ATP8B1: variants seen among roughly 807,000 people sequenced by gnomAD.
ATP8B1 encodes phospholipid-transporting ATPase IC.
Under a neutral mutation model 149.9 loss-of-function variants are expected in ATP8B1, and 80 were observed. The ratio of observed to expected loss-of-function variants is 0.53; its 90% CI spans 0.45 to 0.64. ATP8B1 has a LOEUF of 0.64. Ranked by LOEUF, ATP8B1 falls within the 30% of genes least tolerant of loss-of-function variation. The pLI, the probability that ATP8B1 is intolerant of heterozygous loss-of-function variation, is 0.00. For missense variants in ATP8B1, 1,247 were observed against 1,552.6 expected, an observed-to-expected ratio of 0.80 and a Z score of 3.31; for synonymous variants, 536 against 562.8, an observed-to-expected ratio of 0.95 and a Z score of 0.67.
intron 2 of ATP8B1, among the ~76,000 whole-genome samples, chr18:57,716,945 T>C (rs1009243001): frequency 6.6e-6 from 1 of 150,412 alleles, no homozygotes; most frequent in African/African-American, 2.5e-5. Context: ...TCTTAAAACA[T>C]TCAAATAAAT....
At chr18:57,648,755 A>G (rs761358569) in intron 27 of ATP8B1, 43 bp from the exon 28 acceptor site, 1 of 1,540,156 alleles carries the variant, frequency 6.5e-7, no homozygotes, top group Non-Finnish European at 8.8e-7. Flanking sequence ...TAAGATCCAC[A>G]CCAGGGAGGA....
intron 11 of ATP8B1, among the ~76,000 whole-genome samples, chr18:57,692,354 T>TA (rs1356042433): frequency 2.0e-5 from 3 of 151,986 alleles, no homozygotes; most frequent in African/African-American, 4.8e-5. Context: ...GAAGATATCT[T>TA]ACTTAGCATG....
intron 1 of ATP8B1, among the ~76,000 whole-genome samples, chr18:57,768,825 G>C (rs1026040171): frequency 3.9e-5 from 6 of 152,180 alleles, no homozygotes; most frequent in African/African-American, 1.4e-4. Flanking sequence ...CCAAGAGAAA[G>C]GCTTAACCCT....
In ATP8B1 at chr18:57,652,253, G is replaced by T. The variant is rs1387788376; in HGVS notation, c.3262-81C>A. On this transcript the variant is annotated intron_variant, in intron 25 of 27. Transcript: ENST00000648908. ...AAAGGATCTAACAATCCTGAAAACAGAATTCAGCAAGTTAGGCATGATGTG... is the reference window on the plus strand; with the variant it reads ...AAAGGATCTAACAATCCTGAAAACATAATTCAGCAAGTTAGGCATGATGTG... 3.8e-6 allele frequency: 6 copies of T among 1,573,214 alleles called. No homozygotes were observed. The South Asian group carries it at 5.6e-5, about 15-fold the overall frequency.
chr18:57,772,925 G>A (rs1301677969), intron 1 of ATP8B1, among the ~76,000 whole-genome samples: 1 of 152,132 alleles, frequency 6.6e-6, no homozygotes. Context: ...TCAACAACAT[G>A]AACTGTTTTA....
chr18:57,756,210 T>TATACAC lies in ATP8B1; in HGVS notation c.-25-24379_-25-24378insGTGTAT, dbSNP rs747325321. Among the ~76,000 whole-genome samples the TATACAC allele has an allele frequency of 6.4e-5, 7 of 109,046 alleles. No homozygotes were observed. In the East Asian group the frequency reaches 1.5e-3, roughly 23 times the overall value. 71.5% of individuals were successfully genotyped at this position (109,046 alleles called of 152,430 possible). A position where few individuals can be genotyped will look rare whatever the true frequency, so the allele number is the denominator to read the frequency against. On this transcript the variant is annotated intron_variant, in intron 1 of 27. Transcript: ENST00000648908. The stretch of plus-strand genomic sequence containing the variant: ...TCCACAACATATATATATATATATA[T>TATACAC]ACACACACACACACACACACACACA...
At chr18:57,778,001 C>T (rs1435283586) in intron 1 of ATP8B1, among the ~76,000 whole-genome samples, 1 of 152,124 alleles carries the variant, frequency 6.6e-6, no homozygotes, top group Non-Finnish European at 1.5e-5. Context: ...TGTGGGAGCC[C>T]TTTATCAGGA....
chr18:57,708,403 A>G (rs1364526771), intron 2 of ATP8B1: 2 of 152,184 alleles, frequency 1.3e-5, no homozygotes, highest in African/African-American at 4.8e-5. Context: ...AGCCACTCAT[A>G]AGCACTGTAA....
chr18:57,775,369 AAAAG>A (rs1395969265), intron 1 of ATP8B1, among the ~76,000 whole-genome samples: 3 of 151,730 alleles, frequency 2.0e-5, no homozygotes, highest in East Asian at 1.9e-4. Context: ...GAAAGAAAGA[AAAAG>A]AAAGGAGGAG....
chr18:57,772,048 A>G (rs2080268474), intron 1 of ATP8B1, among the ~76,000 whole-genome samples: 1 of 152,214 alleles, frequency 6.6e-6, no homozygotes, highest in South Asian at 2.1e-4. Context: ...AAGTTATCCT[A>G]AAAACAAAAC....
intron 15 of ATP8B1, among the ~76,000 whole-genome samples, chr18:57,677,119 C>G (rs932099762): frequency 1.3e-5 from 2 of 152,200 alleles, no homozygotes; most frequent in African/African-American, 4.8e-5. Context: ...AAAAAACTGA[C>G]AGAGCTAACC....
intron 1 of ATP8B1, among the ~76,000 whole-genome samples, chr18:57,739,404 C>T (rs1037356617): frequency 6.6e-6 from 1 of 152,194 alleles, no homozygotes; most frequent in Non-Finnish European, 1.5e-5. Flanking sequence ...TGAGCACCTA[C>T]ATTTCTGTTT....
rs1316923916 is a variant in ATP8B1 at position 57,648,883 on chromosome 18, T to TAC, written c.3532-172_3532-171insGT. Among the ~76,000 whole-genome samples, 7 of 14,300 alleles carry TAC rather than the reference T, an allele frequency of 4.9e-4. No homozygotes were observed. The East Asian group carries it at 8.6e-3, about 18-fold the overall frequency. The allele number at this position is 14,300 out of a possible 152,430, so 9.4% of individuals were successfully genotyped here. On this transcript the variant is annotated intron_variant, in intron 27 of 27. Coordinates refer to ENST00000648908, the MANE Select transcript of ATP8B1 (RefSeq NM_001374385.1). ...GTGTGTGTGTGTGTGTGTGTGTGTG[T>TAC]GTGTATGTGTGTCTATATCTTTTTT...
chr18:57,778,363 CT>C (rs1302049270), intron 1 of ATP8B1, among the ~76,000 whole-genome samples: 1 of 151,308 alleles, frequency 6.6e-6, no homozygotes, highest in Non-Finnish European at 1.5e-5. Context: ...GCAGCTGGGA[CT>C]ACAGGCGCCC....
At position 57,648,537 on chromosome 18, in the gene ATP8B1, G is replaced by T. The variant is rs573510317; in HGVS notation, c.3707C>A (p.Ala1236Asp). Residue 1236 changes from alanine (A) to aspartate (D), a missense_variant, in exon 28 of 28, where the codon GCC becomes GAC. Around this residue, in one of 3 missense-constraint regions of ATP8B1, gnomAD observed 164 missense variants for 160.3 expected, o/e 1.02. Transcript: ENST00000648908. Reference sequence around the variant, plus strand: ...CTCCGCGGTGCCATCCGCCACGATGGCATCAAGCGGCGAGCGCTTCTTGCG... The same window carrying T: ...CTCCGCGGTGCCATCCGCCACGATGTCATCAAGCGGCGAGCGCTTCTTGCG... ...SIRKKRSPLD[A>D]IVADGTAEYR... 1 of 1,611,512 alleles carries T rather than the reference G, an allele frequency of 6.2e-7. No homozygotes were observed. The highest frequency in any genetic ancestry group is 2.2e-5 in the East Asian group (1 of 44,870).
chr18:57,703,344 T>G (rs1005602839), intron 4 of ATP8B1, among the ~76,000 whole-genome samples: 2 of 151,752 alleles, frequency 1.3e-5, no homozygotes, highest in Non-Finnish European at 1.5e-5. Flanking sequence ...CTGAGGCGGG[T>G]GGATCACCTG....
intron 13 of ATP8B1, among the ~76,000 whole-genome samples, chr18:57,686,756 A>T (rs1379364275): frequency 6.6e-6 from 1 of 151,866 alleles, no homozygotes; most frequent in Non-Finnish European, 1.5e-5. Context: ...GGCTGGTCTC[A>T]AAGTCCTGGG....
intron 2 of ATP8B1, among the ~76,000 whole-genome samples, chr18:57,719,400 C>T (rs1339719515): frequency 2.6e-5 from 4 of 152,154 alleles, no homozygotes; most frequent in East Asian, 1.9e-4. Flanking sequence ...CCAGTGGGTG[C>T]GCGCACTGTG....
chr18:57,795,214 GAC>G (rs2080501683), intron 1 of ATP8B1, among the ~76,000 whole-genome samples: 1 of 151,206 alleles, frequency 6.6e-6, no homozygotes, highest in Admixed American at 6.6e-5. Context: ...GACATATCGA[GAC>G]ACACAGACAC....
Sources: gnomAD v4.1 joint callset for allele counts (sites outside exome capture counted in the v4.1 genomes callset) on GRCh38, gnomAD v4.1.1 for gene constraint, gnomAD v4.1.1 regional missense constraint, MANE v1.5 for transcripts, NCBI Gene and HGNC (gene_info 2026-07-23, HGNC 2026-07-21) for gene names.